The following ZDHHC15 variants were observed in gnomAD, a reference collection of about 807,000 sequenced individuals.
The protein encoded by ZDHHC15 is zDHHC palmitoyltransferase 15.
Under a neutral mutation model 31.7 loss-of-function variants are expected in ZDHHC15, and 19 were observed. That is an observed-to-expected ratio of 0.60 (90% CI 0.42 to 0.88). The LOEUF is 0.88. Ranked by LOEUF, ZDHHC15 falls within the 40% of genes least tolerant of loss-of-function variation. The pLI is 0.00. For missense variants in ZDHHC15, 209 were observed against 251.2 expected (o/e 0.83, Z 1.14); for synonymous variants, 103 against 90.0 (o/e 1.14, Z -0.82).
At chrX:75,496,384 T>C (rs1602735434) in intron 2 of ZDHHC15, among the ~76,000 whole-genome samples, 1 of 111,369 alleles carries the variant, frequency 9.0e-6, no homozygotes, top group Non-Finnish European at 1.9e-5. Context: ...AGAAACAAGA[T>C]AGATGGCAAC....
chrX:75,490,398 G>C (rs768677954), intron 2 of ZDHHC15, among the ~76,000 whole-genome samples: 1 of 112,020 alleles, frequency 8.9e-6, no homozygotes, highest in South Asian at 3.7e-4. Flanking sequence ...TCTCTCAGCA[G>C]AAATTCTACA....
chrX:75,482,385 G>T (rs1302706539), intron 2 of ZDHHC15, among the ~76,000 whole-genome samples: 2 of 112,132 alleles, frequency 1.8e-5, no homozygotes, highest in Middle Eastern at 4.2e-3. Context: ...CCCACTGGGA[G>T]TATCTCTAAT....
Position 75,392,926 on chromosome X carries a change from A to G in ZDHHC15, c.968-13728T>C, listed in dbSNP as rs377453571. Among the ~76,000 whole-genome samples, 61 of 106,872 alleles carry G rather than the reference A, an allele frequency of 5.7e-4. 1 individual carries two copies. Among genetic ancestry groups the G allele is most frequent in the African/African-American group, 2.0e-3 (57 of 29,174 alleles). 92.8% of individuals were successfully genotyped at this position (106,872 alleles called of 115,157 possible). A position where few individuals can be genotyped will look rare whatever the true frequency, so the allele number is the denominator to read the frequency against. On this transcript the variant is annotated intron_variant, in intron 10 of 11. Transcript: ENST00000373367. ...CTTTGCCTTCAGGAAGCACTTCAGC[A>G]GGTCATGGTTTTTTTTTTTTTCCTG...
intron 10 of ZDHHC15, among the ~76,000 whole-genome samples, chrX:75,386,235 C>A (rs2083177964): frequency 9.0e-6 from 1 of 111,428 alleles, no homozygotes; most frequent in Admixed American, 9.5e-5. Flanking sequence ...AGTATTTTTT[C>A]AGGACAAGTG....
intron 3 of ZDHHC15, among the ~76,000 whole-genome samples, chrX:75,453,569 G>A (rs1408421499): frequency 9.0e-6 from 1 of 110,856 alleles, no homozygotes; most frequent in African/African-American, 3.3e-5. Context: ...CCAAAGGCTG[G>A]CAGTGACACA....
intron 3 of ZDHHC15, among the ~76,000 whole-genome samples, chrX:75,453,824 G>A (rs1372677605): frequency 9.0e-6 from 1 of 111,424 alleles, no homozygotes; most frequent in Non-Finnish European, 1.9e-5. Flanking sequence ...AAAGGCCTTT[G>A]ACAAAATTCC....
intron 7 of ZDHHC15, 122 bp downstream of exon 7, chrX:75,428,956 T>C (rs1311371115): frequency 1.0e-6 from 1 of 973,062 alleles, no homozygotes; most frequent in Admixed American, 3.5e-5. Context: ...GTGCCTTCTC[T>C]TCCAGTTACT....
At chrX:75,483,753 T>A (rs1005373742) in intron 2 of ZDHHC15, among the ~76,000 whole-genome samples, 1 of 111,173 alleles carries the variant, frequency 9.0e-6, no homozygotes, top group African/African-American at 3.3e-5. Flanking sequence ...AATATCATTA[T>A]TCTGCATGTA....
intron 9 of ZDHHC15, among the ~76,000 whole-genome samples, chrX:75,421,236 C>T (rs1325492468): frequency 1.0e-5 from 1 of 97,891 alleles, no homozygotes; most frequent in Non-Finnish European, 2.0e-5. Context: ...TTCTCTTCTG[C>T]TGTTTTTCTT....
chrX:75,401,188 T>C (rs1221919449), intron 10 of ZDHHC15, among the ~76,000 whole-genome samples: 3 of 109,163 alleles, frequency 2.7e-5, no homozygotes, highest in Non-Finnish European at 3.8e-5. Flanking sequence ...GGACAGATCA[T>C]AGATTTCTGA....
intron 10 of ZDHHC15, among the ~76,000 whole-genome samples, chrX:75,388,017 G>T (rs1459380546): frequency 1.8e-5 from 2 of 111,954 alleles, no homozygotes; most frequent in African/African-American, 6.5e-5. Context: ...AGGCCAGGAG[G>T]GAGTAGGATG....
At chrX:75,439,409 C>T (rs1569329250) in intron 4 of ZDHHC15, among the ~76,000 whole-genome samples, 1 of 111,109 alleles carries the variant, frequency 9.0e-6, no homozygotes, top group East Asian at 2.8e-4. Flanking sequence ...ATTCAAAAGC[C>T]TTTTCTTTAA....
chrX:75,486,801 G>A (rs965058608), intron 2 of ZDHHC15, among the ~76,000 whole-genome samples: 3 of 110,424 alleles, frequency 2.7e-5, no homozygotes, highest in African/African-American at 9.9e-5. Context: ...GAGAATCACC[G>A]CCCCTCCACC....
intron 2 of ZDHHC15, among the ~76,000 whole-genome samples, chrX:75,498,100 A>G (rs1427119052): frequency 9.1e-6 from 1 of 109,840 alleles, no homozygotes; most frequent in Non-Finnish European, 1.9e-5. Flanking sequence ...CGCCAGAATA[A>G]TTTTGTATTT....
chrX:75,496,184 A>C (rs999129314), intron 2 of ZDHHC15, among the ~76,000 whole-genome samples: 9 of 111,481 alleles, frequency 8.1e-5, no homozygotes, highest in African/African-American at 2.9e-4. Flanking sequence ...AATGGAAACC[A>C]AAAGTGAACC....
chrX:75,486,405 A>G (rs1469048728), intron 2 of ZDHHC15, among the ~76,000 whole-genome samples: 1 of 112,412 alleles, frequency 8.9e-6, no homozygotes, highest in Non-Finnish European at 1.9e-5. Flanking sequence ...AAAAGCTTCT[A>G]GCTGAACTCT....
intron 11 of ZDHHC15, among the ~76,000 whole-genome samples, chrX:75,377,481 G>T (rs1264130530): frequency 3.1e-5 from 3 of 95,512 alleles, no homozygotes; most frequent in East Asian, 5.8e-4. Context: ...GGGCAACAGA[G>T]TGAGACTCCA....
At chrX:75,452,159 A>G (rs1420793413) in intron 3 of ZDHHC15, among the ~76,000 whole-genome samples, 1 of 107,606 alleles carries the variant, frequency 9.3e-6, no homozygotes, top group East Asian at 3.0e-4. Flanking sequence ...AGACACACAT[A>G]GGCTCAAAAT....
intron 1 of ZDHHC15, among the ~76,000 whole-genome samples, chrX:75,514,119 A>T (rs2085319168): frequency 8.8e-6 from 1 of 113,183 alleles, no homozygotes; most frequent in African/African-American, 3.2e-5. Flanking sequence ...GAAATGCCAA[A>T]GGGCATTCTT....
Sources: allele counts gnomAD v4.1 joint callset (sites outside exome capture counted in the v4.1 genomes callset), GRCh38; gene constraint gnomAD v4.1.1; transcripts MANE v1.5; gene names NCBI Gene and HGNC (gene_info 2026-07-23, HGNC 2026-07-21).